The following RAD54B variants were observed in gnomAD, a reference collection of about 807,000 sequenced individuals.
RAD54B encodes RAD54 homolog B, also known as DNA repair and recombination protein RAD54B.
Under a neutral mutation model 95.8 loss-of-function variants are expected in RAD54B, and 78 were observed. That is an observed-to-expected ratio of 0.81 (90% CI 0.68 to 0.98). The LOEUF is 0.98. Ranked by LOEUF, RAD54B falls within the 50% of genes least tolerant of loss-of-function variation. RAD54B has a pLI of 0.00. For missense variants in RAD54B, 957 were observed against 1,056.6 expected (o/e 0.91, Z 1.31); for synonymous variants, 328 against 354.9 (o/e 0.92, Z 0.85).
At position 94,372,120 on chromosome 8, in the gene RAD54B, C is replaced by A. The variant is rs1810454367; in HGVS notation, c.*50G>T. 1 of 1,522,702 alleles carries A rather than the reference C, an allele frequency of 6.6e-7. No homozygotes were observed. Among genetic ancestry groups the A allele is most frequent in the East Asian group, 2.4e-5 (1 of 42,224 alleles). 94.3% of individuals were successfully genotyped at this position (1,522,702 alleles called of 1,614,324 possible). On this transcript the variant is annotated 3_prime_UTR_variant, in exon 15 of 15. Transcript: ENST00000336148. ...ATTTTCAAAAAGTACATTTAATTAC[C>A]ATACTAATTTTCAAAAGAAGAGCAA...
In RAD54B at chr8:94,391,791, T is replaced by C. The variant is rs1811028850; in HGVS notation, c.1627A>G (p.Ile543Val). 1.2e-6 allele frequency: 2 copies of C among 1,614,064 alleles called. No homozygotes were observed. Among genetic ancestry groups the C allele is most frequent in the Non-Finnish European group, 1.7e-6 (2 of 1,179,990 alleles). The change falls in exon 10 of 15, where the codon ATA (isoleucine) becomes GTA (valine). Residue 543 changes from isoleucine (I) to valine (V), a missense_variant. Physicochemically the swap from Ile to Val is conservative, Grantham distance 29 (BLOSUM62 3). Coordinates refer to ENST00000336148, the MANE Select transcript of RAD54B (RefSeq NM_012415.3). ...GGTCGGCAAAAGACAACATTCTCTA[T>C]TTTAGGTGGGAGATATTTATTTATA... is the stretch of plus-strand genomic sequence containing the variant. ...EIINKYLPPK[I>V]ENVVFCRPGA...
intron 3 of RAD54B, among the ~76,000 whole-genome samples, chr8:94,444,208 A>T (rs1018081753): frequency 3.3e-5 from 5 of 152,162 alleles, no homozygotes; most frequent in African/African-American, 1.2e-4. Context: ...CAAAAGTTAA[A>T]AAGTTTAGTA....
At chr8:94,466,422 G>GGC (rs1813025790) in intron 2 of RAD54B, among the ~76,000 whole-genome samples, 2 of 142,350 alleles carry the variant, frequency 1.4e-5, no homozygotes, top group Admixed American at 6.9e-5. Flanking sequence ...TTTTTTTTTT[G>GGC]GGGGGGACGG....
Position 94,378,201 on chromosome 8 carries a change from TACACTC to T in RAD54B, c.2488_2493del (p.Glu830_Cys831del). 1 of 1,611,526 alleles carries T rather than the reference TACACTC, an allele frequency of 6.2e-7. No homozygotes were observed. Among genetic ancestry groups the T allele is most frequent in the Non-Finnish European group, 8.5e-7 (1 of 1,179,102 alleles). ...TAACCTGTATGAACTTCTTCTCCTGTACACTCACAGTCAAGCAGATCATGAGTAACA... is the reference window on the plus strand; with the variant it reads ...TAACCTGTATGAACTTCTTCTCCTGTACAGTCAAGCAGATCATGAGTAACA... On this transcript the variant is annotated inframe_deletion, in exon 14 of 15. Coordinates refer to ENST00000336148, the MANE Select transcript of RAD54B (RefSeq NM_012415.3).
Position 94,383,029 on chromosome 8 carries a change from G to A in RAD54B, c.1986-2623C>T, listed in dbSNP as rs936344516. ...AAGTCCCAGGATGCCGGGCACTGTG[G>A]CTCACACCTGTAATCCCAGCACTTT... On this transcript the variant is annotated intron_variant, in intron 11 of 14. Coordinates refer to ENST00000336148, the MANE Select transcript of RAD54B (RefSeq NM_012415.3). Among the ~76,000 whole-genome samples the A allele has an allele frequency of 1.4e-4, 21 of 152,214 alleles. 1 individual carries two copies. The highest frequency in any genetic ancestry group is 1.2e-3 in the Admixed American group (19 of 15,300).
intron 3 of RAD54B, chr8:94,428,215 T>C (rs1811992839): frequency 1.2e-6 from 1 of 867,144 alleles, no homozygotes; most frequent in South Asian, 5.3e-5. Flanking sequence ...AAATGTAGTA[T>C]ATTTCTACAG....
chr8:94,414,012 T>C (rs1203485087), intron 3 of RAD54B, among the ~76,000 whole-genome samples: 2 of 152,004 alleles, frequency 1.3e-5, no homozygotes, highest in African/African-American at 4.8e-5. Context: ...ATTTTTGTAC[T>C]TTTAGCAGAG....
At position 94,372,296 on chromosome 8, in the gene RAD54B, G is replaced by T. The variant is rs1810459184; in HGVS notation, c.2607C>A (p.Ser869=). The T allele has an allele frequency of 1.2e-6, 2 of 1,613,780 alleles. No homozygotes were observed. The highest frequency in any genetic ancestry group is 3.3e-5 in the Admixed American group (2 of 59,994). ...KSNSLKPLSM[S]QLKQWKHFSG... is the part of the protein sequence containing the mutation. ...AAAAATGTTTCCATTGCTTCAGCTGGGACATAGAAAGAGGTTTCAGGGAGT... is the reference window on the plus strand; with the variant it reads ...AAAAATGTTTCCATTGCTTCAGCTGTGACATAGAAAGAGGTTTCAGGGAGT... Residue 869 remains serine (S), a synonymous_variant, in exon 15 of 15, where the codon TCC becomes TCA. Coordinates refer to ENST00000336148, the MANE Select transcript of RAD54B (RefSeq NM_012415.3).
At chr8:94,388,420 T>A (rs1325409310) in intron 10 of RAD54B, among the ~76,000 whole-genome samples, 1 of 152,248 alleles carries the variant, frequency 6.6e-6, no homozygotes, top group Non-Finnish European at 1.5e-5. Context: ...ACTGACTTAA[T>A]GCTACTGGTA....
intron 3 of RAD54B, chr8:94,432,662 G>A (rs1270515998): frequency 1.3e-6 from 2 of 1,494,196 alleles, no homozygotes; most frequent in South Asian, 2.7e-5. Context: ...TTGCACTATA[G>A]CACACAAAAA....
intron 11 of RAD54B, among the ~76,000 whole-genome samples, chr8:94,385,336 C>A (rs535345899): frequency 7.8e-6 from 1 of 127,484 alleles, no homozygotes; most frequent in Non-Finnish European, 1.7e-5. Context: ...ACCTATCCCG[C>A]CCACCCTTCA....
At chr8:94,458,546 T>C (rs1189427005) in intron 2 of RAD54B, 110 bp from the exon 3 acceptor site, 4 of 771,170 alleles carry the variant, frequency 5.2e-6, no homozygotes, top group Non-Finnish European at 7.7e-6. Flanking sequence ...TGGTTATATA[T>C]ATAAACTAGA....
intron 3 of RAD54B, chr8:94,432,684 A>G (rs1262109856): frequency 2.8e-6 from 4 of 1,432,300 alleles, no homozygotes; most frequent in Middle Eastern, 1.8e-4. Context: ...GCATTATAAT[A>G]TGTAAATCAA....
chr8:94,372,372 T>C lies in RAD54B; in HGVS notation c.2531A>G (p.Lys844Arg). The C allele has an allele frequency of 6.2e-7, 1 of 1,612,982 alleles. No individual in the cohort carries two copies. Among genetic ancestry groups the C allele is most frequent in the East Asian group, 2.2e-5 (1 of 44,784 alleles). Residue 844 changes from lysine (K) to arginine (R), a missense_variant, in exon 15 of 15, where the codon AAA becomes AGA. By Grantham distance (26) the Lys-to-Arg change is conservative (BLOSUM62 2). Transcript: ENST00000336148. ...EEVHTGDSLE[K>R]FIVSRDCQLG... ...CTGACAATCTCTAGAGACAATGAAT[T>C]TTTCCAACGAATCACCTGTAATAAG...
rs2130008144 is a variant in RAD54B at position 94,400,285 on chromosome 8, G to T, written c.1123C>A (p.Gln375Lys). 3 of 1,613,598 alleles carry T rather than the reference G, an allele frequency of 1.9e-6. No homozygotes were observed. Among genetic ancestry groups the T allele is most frequent in the Middle Eastern group, 1.7e-4 (1 of 6,056 alleles). Residue 375 changes from glutamine (Q) to lysine (K), a missense_variant, in exon 7 of 15, where the codon CAA becomes AAA. Gln to Lys is a moderately conservative substitution (Grantham distance 53). Coordinates refer to ENST00000336148, the MANE Select transcript of RAD54B (RefSeq NM_012415.3). ...SLVNNWKKEFQKWLGSERIKI... is the reference protein window; with the variant it reads ...SLVNNWKKEFKKWLGSERIKI... ...ATCCTTTCACTTCCTAGCCATTTTT[G>T]AAATTCTTTCTTCCAATTATTCACC... is the stretch of plus-strand genomic sequence containing the variant.
chr8:94,382,525 CTG>C (rs1264482407), intron 11 of RAD54B, among the ~76,000 whole-genome samples: 2 of 152,126 alleles, frequency 1.3e-5, no homozygotes, highest in East Asian at 1.9e-4. Context: ...TAGGAAACTA[CTG>C]TGAGATGTGC....
At chr8:94,452,449 A>G (rs1398972077) in intron 3 of RAD54B, among the ~76,000 whole-genome samples, 1 of 152,164 alleles carries the variant, frequency 6.6e-6, no homozygotes, top group Non-Finnish European at 1.5e-5. Context: ...ATATACATAC[A>G]ATACACACAA....
At chr8:94,420,579 G>A (rs1314962120) in intron 3 of RAD54B, among the ~76,000 whole-genome samples, 1 of 151,700 alleles carries the variant, frequency 6.6e-6, no homozygotes, top group Non-Finnish European at 1.5e-5. Context: ...TTTCTCCACA[G>A]TAAATCATGG....
chr8:94,394,983 A>G (rs1811108634), intron 8 of RAD54B, among the ~76,000 whole-genome samples: 1 of 152,162 alleles, frequency 6.6e-6, no homozygotes, highest in Non-Finnish European at 1.5e-5. Flanking sequence ...TAGACACATC[A>G]TTGAAAGAGT....
Sources: allele counts gnomAD v4.1 joint callset (sites outside exome capture counted in the v4.1 genomes callset), GRCh38; gene constraint gnomAD v4.1.1; transcripts MANE v1.5; gene names NCBI Gene and HGNC (gene_info 2026-07-23, HGNC 2026-07-21).